LTBP1: variants seen among roughly 807,000 people sequenced by gnomAD.
The protein encoded by LTBP1 is latent transforming growth factor beta binding protein 1.
Under a neutral mutation model 207.6 loss-of-function variants are expected in LTBP1, and 129 were observed. That is an observed-to-expected ratio of 0.62 (90% confidence interval 0.54 to 0.72). The LOEUF is 0.72. Ranked by LOEUF, LTBP1 falls within the 30% of genes least tolerant of loss-of-function variation. LTBP1 has a pLI of 0.00. For synonymous variants in LTBP1, 963 were observed against 833.7 expected (o/e 1.16, Z -2.67); for missense variants, 2,281 against 2,217.2 (o/e 1.03, Z -0.58).
At chr2:33,237,082 T>C (rs1237603305) in intron 9 of LTBP1, among the ~76,000 whole-genome samples, 1 of 152,120 alleles carries the variant, frequency 6.6e-6, no homozygotes, top group Non-Finnish European at 1.5e-5. Context: ...GAAGCAAATA[T>C]AATCACGAAG....
chr2:33,247,324 A>G (rs1052825703), intron 10 of LTBP1, among the ~76,000 whole-genome samples: 4 of 152,236 alleles, frequency 2.6e-5, no homozygotes, highest in African/African-American at 7.2e-5. Flanking sequence ...TATCTTATAC[A>G]TTGGGAAACT....
At chr2:33,216,204 G>A (rs1017334676) in intron 7 of LTBP1, among the ~76,000 whole-genome samples, 2 of 152,196 alleles carry the variant, frequency 1.3e-5, no homozygotes, top group Admixed American at 1.3e-4. Context: ...GCAGTAGACT[G>A]TATAGACAGT....
intron 2 of LTBP1, among the ~76,000 whole-genome samples, chr2:33,019,252 AG>A (rs1688812879): frequency 6.6e-6 from 1 of 152,228 alleles, no homozygotes; most frequent in African/African-American, 2.4e-5. Context: ...GAACAAATAA[AG>A]AAGGGACTGA....
At chr2:33,031,537 A>G (rs562946685) in intron 3 of LTBP1, among the ~76,000 whole-genome samples, 31 of 152,348 alleles carry the variant, frequency 2.0e-4, no homozygotes, top group African/African-American at 7.5e-4. Context: ...AAGCTGCTAA[A>G]CTATGTGGTG....
chr2:32,955,272 G>C (rs936107622), intron 2 of LTBP1, among the ~76,000 whole-genome samples: 1 of 152,158 alleles, frequency 6.6e-6, no homozygotes, highest in Non-Finnish European at 1.5e-5. Flanking sequence ...GGGATAGCTC[G>C]GATTTGAAGA....
chr2:32,989,771 G>A lies in LTBP1; in HGVS notation c.566-31138G>A, dbSNP rs1684127708. On this transcript the variant is annotated intron_variant, in intron 2 of 33. Transcript: ENST00000404816. ...GTAATGGTCAAGGGAGCGAACTTGG[G>A]TTCACATTTTAGCTCTGCCACTTAC... Among the ~76,000 whole-genome samples, 4 of 152,184 alleles carry A rather than the reference G, an allele frequency of 2.6e-5. No individual in the cohort carries two copies. In the South Asian group the frequency reaches 8.3e-4, roughly 32 times the overall value.
chr2:33,274,925 T>C (rs766523945), intron 16 of LTBP1, 40 bp from the exon 17 acceptor site: 43 of 1,603,090 alleles, frequency 2.7e-5, no homozygotes, highest in Non-Finnish European at 3.3e-5. Flanking sequence ...AAGTTCTTGC[T>C]ACACAGAACT....
intron 3 of LTBP1, among the ~76,000 whole-genome samples, chr2:33,104,589 G>A (rs573113743): frequency 2.0e-5 from 3 of 152,136 alleles, no homozygotes; most frequent in Non-Finnish European, 2.9e-5. Context: ...GAACTGACTC[G>A]ATCCTTGTTT....
At chr2:33,309,366 AAG>A in intron 22 of LTBP1, 66 bp from the exon 23 acceptor site, 2 of 1,101,692 alleles carry the variant, frequency 1.8e-6, no homozygotes, top group Non-Finnish European at 1.3e-6. Context: ...CTTTACATGT[AAG>A]AGAAATGTCT....
intron 3 of LTBP1, among the ~76,000 whole-genome samples, chr2:33,087,819 TTTATGAGCCATACCA>T (rs2078849431): frequency 6.6e-6 from 1 of 152,226 alleles, no homozygotes; most frequent in Non-Finnish European, 1.5e-5. Flanking sequence ...ATGAGTTTAC[TTTATGAGCCATACCA>T]TCATGTTCTA....
chr2:33,059,604 GT>G (rs1452985583), intron 3 of LTBP1, among the ~76,000 whole-genome samples: 6 of 152,206 alleles, frequency 3.9e-5, no homozygotes, highest in Admixed American at 1.3e-4. Flanking sequence ...AGAGGCTTGT[GT>G]TTAAGAAGTC....
chr2:33,308,691 G>A (rs1480463799), intron 22 of LTBP1, among the ~76,000 whole-genome samples: 1 of 152,046 alleles, frequency 6.6e-6, no homozygotes, highest in Non-Finnish European at 1.5e-5. Flanking sequence ...AATATTTTAT[G>A]TTTAATAATA....
At chr2:33,261,997 C>G (rs903485213) in intron 13 of LTBP1, among the ~76,000 whole-genome samples, 1 of 152,160 alleles carries the variant, frequency 6.6e-6, no homozygotes, top group East Asian at 1.9e-4. Context: ...AGATCCTTAA[C>G]TAGGCTAATT....
chr2:33,003,499 C>T (rs2148998281), intron 2 of LTBP1, among the ~76,000 whole-genome samples: 1 of 152,286 alleles, frequency 6.6e-6, no homozygotes, highest in African/African-American at 2.4e-5. Context: ...CGCTTGTCAC[C>T]AGTGCTGGGG....
At chr2:33,394,533 G>A (rs1239073224) in intron 32 of LTBP1, among the ~76,000 whole-genome samples, 1 of 152,082 alleles carries the variant, frequency 6.6e-6, no homozygotes, top group Non-Finnish European at 1.5e-5. Context: ...AGTTTTCCCA[G>A]CACCATAGCA....
At chr2:32,976,025 G>C (rs904899534) in intron 2 of LTBP1, among the ~76,000 whole-genome samples, 3 of 152,142 alleles carry the variant, frequency 2.0e-5, no homozygotes, top group Admixed American at 2.0e-4. Context: ...TCTCATCTGT[G>C]TGGGCTGATA....
chr2:33,074,496 G>A (rs1313257528), intron 3 of LTBP1, among the ~76,000 whole-genome samples: 2 of 152,156 alleles, frequency 1.3e-5, no homozygotes, highest in Non-Finnish European at 2.9e-5. Flanking sequence ...CAGCACTTTG[G>A]GAGGCCAAGG....
At chr2:33,176,463 C>G (rs1037616128) in intron 5 of LTBP1, among the ~76,000 whole-genome samples, 1 of 152,156 alleles carries the variant, frequency 6.6e-6, no homozygotes, top group South Asian at 2.1e-4. Context: ...CTGACTTCGT[C>G]ATCTGCCTGC....
intron 31 of LTBP1, among the ~76,000 whole-genome samples, chr2:33,367,632 A>T (rs76427023): frequency 6.6e-6 from 1 of 152,128 alleles, no homozygotes; most frequent in Non-Finnish European, 1.5e-5. Flanking sequence ...AGTAATTTCA[A>T]TTAGGATAGT....
Sources: gnomAD v4.1 joint callset for allele counts (sites outside exome capture counted in the v4.1 genomes callset) on GRCh38, gnomAD v4.1.1 for gene constraint, MANE v1.5 for transcripts, NCBI Gene and HGNC (gene_info 2026-07-23, HGNC 2026-07-21) for gene names.